ABCA5: variants seen among roughly 807,000 people sequenced by gnomAD.
ABCA5 encodes the protein cholesterol transporter ABCA5.
A neutral mutation model predicts 206.0 loss-of-function variants in ABCA5; 163 were observed. That is an observed-to-expected ratio of 0.79 (90% CI 0.70 to 0.90). ABCA5 has a LOEUF of 0.90. Ranked by LOEUF, ABCA5 falls within the 40% of genes least tolerant of loss-of-function variation. The pLI is 0.00. For synonymous variants in ABCA5, 609 were observed against 613.8 expected, an observed-to-expected ratio of 0.99 and a Z score of 0.11; for missense variants, 1,859 against 1,912.9, an observed-to-expected ratio of 0.97 and a Z score of 0.53.
intron 24 of ABCA5, among the ~76,000 whole-genome samples, chr17:69,264,277 G>T (rs975132102): frequency 5.3e-5 from 8 of 152,146 alleles, no homozygotes; most frequent in African/African-American, 1.9e-4. Flanking sequence ...TGTATTCCTA[G>T]GTATTTTAAT....
Position 69,251,867 on chromosome 17 carries a change from C to CTT in ABCA5, c.4416-2_4416-1insAA, listed in dbSNP as rs1200413569. ...TTTAAATGCAGTTCGAATTGCTCGC[C>CTT]TATAAAACATAAATAAAACAAAAAG... On this transcript the variant is annotated splice_acceptor_variant, in intron 34 of 38. Transcript: ENST00000392676. LOFTEE classifies it high-confidence loss of function. 4 of 1,610,550 alleles carry CTT rather than the reference C, an allele frequency of 2.5e-6. No individual in the cohort carries two copies. Among genetic ancestry groups the CTT allele is most frequent in the Non-Finnish European group, 2.5e-6 (3 of 1,179,250 alleles).
In ABCA5 at chr17:69,261,694, A is replaced by C. The variant is rs772273137; in HGVS notation, c.3370T>G (p.Ser1124Ala). The C allele has an allele frequency of 3.3e-6, 5 of 1,520,752 alleles. No individual in the cohort carries two copies. In the South Asian group the frequency reaches 5.0e-5, roughly 15 times the overall value. The allele number at this position is 1,520,752 out of a possible 1,614,324, so 94.2% of individuals were successfully genotyped here. Residue 1124 changes from serine (S) to alanine (A), a missense_variant, in exon 25 of 39, where the codon TCT (serine) becomes GCT (alanine). Ser to Ala is a moderately conservative substitution (Grantham distance 99). Transcript: ENST00000392676. The stretch of plus-strand genomic sequence containing the variant: ...TTTAAAATTTTCTTAAAGGTGAAAG[A>C]AGCAATATAAGTGAACAGAATAACT... ...PSVILFTYIA[S>A]FTFKKILNTK...
At chr17:69,317,474 T>C (rs1012421784) in intron 1 of ABCA5, among the ~76,000 whole-genome samples, 1 of 150,852 alleles carries the variant, frequency 6.6e-6, no homozygotes, top group African/African-American at 2.4e-5. Flanking sequence ...CAAAACGTTA[T>C]GTCAAGTGAA....
chr17:69,312,292 T>A lies in ABCA5; in HGVS notation c.307+800A>T, dbSNP rs977052684. Among the ~76,000 whole-genome samples, 2 of 152,128 alleles carry A rather than the reference T, an allele frequency of 1.3e-5. 1 individual carries two copies. The highest frequency in any genetic ancestry group is 2.9e-5 in the Non-Finnish European group (2 of 68,026). On this transcript the variant is annotated intron_variant, in intron 3 of 38. Coordinates refer to ENST00000392676, the MANE Select transcript of ABCA5 (RefSeq NM_172232.4). ...TCATTTCTTTGTGAGAAGTGCACAT[T>A]GAGAAAAAAGACTTAGGTGGCACTT...
chr17:69,296,194 AT>A (rs1295382212), intron 10 of ABCA5, among the ~76,000 whole-genome samples: 3 of 151,980 alleles, frequency 2.0e-5, no homozygotes, highest in Non-Finnish European at 2.9e-5. Context: ...ATTCTACCTT[AT>A]TTTTTTCATA....
chr17:69,302,500 T>TA (rs1227301675), intron 8 of ABCA5, among the ~76,000 whole-genome samples: 2 of 152,136 alleles, frequency 1.3e-5, no homozygotes, highest in Admixed American at 1.3e-4. Context: ...AAGTAAAAAG[T>TA]AAAAAATTTA....
chr17:69,301,247 A>C lies in ABCA5; in HGVS notation c.1159T>G (p.Ser387Ala), dbSNP rs1164724702. The C allele has an allele frequency of 1.9e-6, 3 of 1,600,000 alleles. No homozygotes were observed. Among genetic ancestry groups the C allele is most frequent in the Non-Finnish European group, 2.5e-6 (3 of 1,176,770 alleles). The change falls in exon 9 of 39, where the codon TCA (serine) becomes GCA (alanine). Residue 387 changes from serine (S) to alanine (A), a missense_variant. Coordinates refer to ENST00000392676, the MANE Select transcript of ABCA5 (RefSeq NM_172232.4). ...LEDFNEGASF[S>A]NLTAGPYPLI... is the part of the protein sequence containing the mutation. ...GGATATGGGCCTGCAGTCAAATTTG[A>C]AAATGAAGCACCTTCATTAAAATCT...
intron 9 of ABCA5, among the ~76,000 whole-genome samples, chr17:69,298,249 A>AAGGAAGGG (rs2075607834): frequency 1.6e-5 from 2 of 122,196 alleles, no homozygotes; most frequent in African/African-American, 3.1e-5. Flanking sequence ...GGAAGGAAGG[A>AAGGAAGGG]AGGAAGGAAG....
At chr17:69,287,901 C>T (rs2075477522) in intron 14 of ABCA5, 150 bp from the exon 15 acceptor site, 2 of 794,704 alleles carry the variant, frequency 2.5e-6, no homozygotes, top group East Asian at 6.3e-5. Context: ...TAATTGAGTT[C>T]ACATAAATTT....
chr17:69,320,675 C>G (rs981701969), intron 1 of ABCA5, among the ~76,000 whole-genome samples: 1 of 152,114 alleles, frequency 6.6e-6, no homozygotes, highest in Non-Finnish European at 1.5e-5. Context: ...TGATCTAAAA[C>G]AGAAACTTCA....
At chr17:69,251,131 T>TTA (rs886786350) in intron 35 of ABCA5, 6 of 153,038 alleles carry the variant, frequency 3.9e-5, no homozygotes, top group African/African-American at 1.4e-4. Flanking sequence ...GAGAGAATAT[T>TTA]ACACAGCTGT....
intron 9 of ABCA5, 144 bp from the exon 10 acceptor site, chr17:69,297,503 C>A (rs1001375120): frequency 7.9e-6 from 5 of 634,998 alleles, no homozygotes; most frequent in Admixed American, 7.2e-5. Context: ...ATGTTGTACA[C>A]AATAAATATA....
chr17:69,275,574 T>A (rs939128317), intron 19 of ABCA5, among the ~76,000 whole-genome samples: 1 of 152,220 alleles, frequency 6.6e-6, no homozygotes, highest in African/African-American at 2.4e-5. Context: ...TTTGGAAACA[T>A]GAGGTTAAAC....
At position 69,287,597 on chromosome 17, in the gene ABCA5, A is replaced by G; in HGVS notation, c.2041+16T>C. The G allele has an allele frequency of 6.2e-7, 1 of 1,603,924 alleles. No individual in the cohort carries two copies. Among genetic ancestry groups the G allele is most frequent in the African/African-American group, 1.3e-5 (1 of 74,482 alleles). ...GCCCATGATCTCAGCCTTCGAAAAT[A>G]AAACAAAAATCTCACCTGCAAGAAT... is the stretch of plus-strand genomic sequence containing the variant. On this transcript the variant is annotated intron_variant, in intron 15 of 38. Coordinates refer to ENST00000392676, the MANE Select transcript of ABCA5 (RefSeq NM_172232.4).
intron 23 of ABCA5, among the ~76,000 whole-genome samples, chr17:69,265,652 G>A (rs932806757): frequency 6.6e-6 from 1 of 151,880 alleles, no homozygotes; most frequent in African/African-American, 2.4e-5. Flanking sequence ...AGAGATAAAG[G>A]AAGCATGAAA....
At chr17:69,260,639 A>G (rs1436025079) in intron 26 of ABCA5, among the ~76,000 whole-genome samples, 1 of 151,952 alleles carries the variant, frequency 6.6e-6, no homozygotes, top group Non-Finnish European at 1.5e-5. Flanking sequence ...AAGCAGGGGT[A>G]GTAGGATTAG....
chr17:69,300,638 A>G (rs1013441624), intron 9 of ABCA5, among the ~76,000 whole-genome samples: 2 of 152,212 alleles, frequency 1.3e-5, no homozygotes, highest in African/African-American at 4.8e-5. Flanking sequence ...TAAAAGCCAC[A>G]CATGGCTAGT....
At chr17:69,251,971 T>G in intron 34 of ABCA5, 105 bp from the exon 35 acceptor site, 1 of 1,252,228 alleles carries the variant, frequency 8.0e-7, no homozygotes, top group South Asian at 1.4e-5. Flanking sequence ...AATTAAAACT[T>G]ACCAAATATC....
intron 8 of ABCA5, among the ~76,000 whole-genome samples, chr17:69,302,388 T>C (rs1350600175): frequency 1.3e-5 from 2 of 152,148 alleles, no homozygotes; most frequent in Non-Finnish European, 2.9e-5. Flanking sequence ...GTACAAATGA[T>C]AGCAATATAA....
Sources: allele counts gnomAD v4.1 joint callset (sites outside exome capture counted in the v4.1 genomes callset), GRCh38; gene constraint gnomAD v4.1.1; transcripts MANE v1.5; gene names NCBI Gene and HGNC (gene_info 2026-07-23, HGNC 2026-07-21).